Variants in ALDH1A2 observed in about 807,000 individuals in gnomAD.
ALDH1A2 encodes the protein aldehyde dehydrogenase 1 family member A2, also known as retinal dehydrogenase 2.
ALDH1A2 carries 27 observed loss-of-function variants against 60.3 expected under a neutral mutation model. The ratio of observed to expected loss-of-function variants is 0.45; its 90% CI spans 0.33 to 0.62. ALDH1A2 has a LOEUF of 0.62. Among genes scored for constraint, ALDH1A2 ranks in the 20% least tolerant of loss-of-function variants. ALDH1A2 has a pLI of 0.02. For missense variants in ALDH1A2, 581 were observed against 643.8 expected, an observed-to-expected ratio of 0.90 and a Z score of 1.06; for synonymous variants, 289 against 232.4, an observed-to-expected ratio of 1.24 and a Z score of -2.21.
intron 1 of ALDH1A2, among the ~76,000 whole-genome samples, chr15:58,038,206 A>G (rs892484301): frequency 1.1e-4 from 16 of 151,312 alleles, no homozygotes; most frequent in African/African-American, 3.6e-4. Context: ...TAGGCATTGT[A>G]TTTGCTGGAG....
At chr15:57,983,893 C>T (rs1417471792) in intron 7 of ALDH1A2, among the ~76,000 whole-genome samples, 1 of 152,160 alleles carries the variant, frequency 6.6e-6, no homozygotes, top group Non-Finnish European at 1.5e-5. Flanking sequence ...CTATATCAGA[C>T]AGTGTCAAAT....
intron 2 of ALDH1A2, 58 bp from the exon 3 acceptor site, chr15:58,014,056 T>G: frequency 6.2e-7 from 1 of 1,614,008 alleles, no homozygotes; most frequent in Non-Finnish European, 8.5e-7. Flanking sequence ...GGAAGAACCA[T>G]CCACTGTCAT....
chr15:57,985,878 T>C (rs1245689590), intron 7 of ALDH1A2, among the ~76,000 whole-genome samples: 2 of 152,220 alleles, frequency 1.3e-5, no homozygotes, highest in Non-Finnish European at 2.9e-5. Context: ...AAGGAGTTAC[T>C]TATGAGAGTA....
intron 7 of ALDH1A2, among the ~76,000 whole-genome samples, chr15:57,974,171 G>C (rs1894162774): frequency 2.0e-5 from 3 of 152,194 alleles, no homozygotes; most frequent in Non-Finnish European, 4.4e-5. Flanking sequence ...GCCGGGCGCA[G>C]TGGCTCATGC....
At chr15:58,040,564 T>C (rs1311731392) in intron 1 of ALDH1A2, among the ~76,000 whole-genome samples, 1 of 151,924 alleles carries the variant, frequency 6.6e-6, no homozygotes, top group Non-Finnish European at 1.5e-5. Context: ...AAGTTTATGA[T>C]GTAAATCCAA....
intron 11 of ALDH1A2, 126 bp downstream of exon 11, chr15:57,961,011 T>C: frequency 7.3e-7 from 1 of 1,375,682 alleles, no homozygotes; most frequent in Non-Finnish European, 1.0e-6. Context: ...GTAAGGAGTG[T>C]ACCCCTTTTC....
chr15:58,064,098 C>G (rs1897110703), intron 1 of ALDH1A2, among the ~76,000 whole-genome samples: 1 of 152,120 alleles, frequency 6.6e-6, no homozygotes. Flanking sequence ...GGTCTTTTCT[C>G]CTGTGTAGAT....
intron 12 of ALDH1A2, among the ~76,000 whole-genome samples, chr15:57,957,975 A>C (rs1893587659): frequency 6.6e-6 from 1 of 151,964 alleles, no homozygotes; most frequent in African/African-American, 2.4e-5. Flanking sequence ...GGTGGATCCC[A>C]GTGTTTGGGT....
At position 57,963,871 on chromosome 15, in the gene ALDH1A2, TATG is replaced by T. The variant is rs767984071; in HGVS notation, c.1086+11_1086+13del. The T allele has an allele frequency of 1.2e-6, 2 of 1,614,040 alleles. No homozygotes were observed. The highest frequency in any genetic ancestry group is 3.3e-5 in the Admixed American group (2 of 60,020). On this transcript the variant is annotated intron_variant, in intron 9 of 12. Transcript: ENST00000249750. ...GGATTAAGTAAACAAAGGGAATGGT[TATG>T]ATTTTTCTACCTGGGGACCCTGCTC...
chr15:58,018,952 T>A (rs55665781), intron 1 of ALDH1A2, among the ~76,000 whole-genome samples: 9,183 of 152,094 alleles, frequency 0.06, 308 homozygotes, highest in East Asian at 0.13. Flanking sequence ...GGAAAAAAAA[T>A]ACATATTATT....
Position 57,955,265 on chromosome 15 carries a change from C to T in ALDH1A2, c.1489G>A (p.Glu497Lys). The T allele has an allele frequency of 1.2e-6, 2 of 1,614,060 alleles. No individual in the cohort carries two copies. The highest frequency in any genetic ancestry group is 1.7e-6 in the Non-Finnish European group (2 of 1,179,998). Residue 497 changes from glutamate to lysine, a missense_variant, in exon 13 of 13, where the codon GAA becomes AAA. By Grantham distance (56) the Glu-to-Lys change is moderately conservative (BLOSUM62 1). Transcript: ENST00000249750. ...KMSGNGREMGEFGLREYSEVK... is the reference protein window; with the variant it reads ...KMSGNGREMGKFGLREYSEVK... ...TCTGAGTACTCCCGCAAGCCAAATT[C>T]TCCCCTGAAACACAGAAATGGGCCG...
Position 57,955,292 on chromosome 15 carries a change from G to A in ALDH1A2, c.1485-23C>T, listed in dbSNP as rs553798131. 2.5e-6 allele frequency: 4 copies of A among 1,613,732 alleles called. No individual in the cohort carries two copies. In the East Asian group the frequency reaches 6.7e-5, roughly 27 times the overall value. On this transcript the variant is annotated intron_variant, in intron 12 of 12. Transcript: ENST00000249750. Reference sequence around the variant, plus strand: ...CCCCTGAAACACAGAAATGGGCCGGGTCAGATACCAGAAGTCCAGGGAGCT... The same window carrying A: ...CCCCTGAAACACAGAAATGGGCCGGATCAGATACCAGAAGTCCAGGGAGCT...
Position 57,999,727 on chromosome 15 carries a change from G to A in ALDH1A2, c.494-4588C>T, listed in dbSNP as rs943028605. On this transcript the variant is annotated intron_variant, in intron 4 of 12. Coordinates refer to ENST00000249750, the MANE Select transcript of ALDH1A2 (RefSeq NM_003888.4). Reference sequence around the variant, plus strand: ...CCCATTACTGAGTATATACCCAAAGGAATATAAATCATTCTGTTATAAAGA... The same window carrying A: ...CCCATTACTGAGTATATACCCAAAGAAATATAAATCATTCTGTTATAAAGA... 3.3e-5 allele frequency among the ~76,000 whole-genome samples: 5 copies of A among 151,812 alleles called. No individual in the cohort carries two copies. In the East Asian group the frequency reaches 9.7e-4, roughly 29 times the overall value.
chr15:58,002,070 C>A (rs1286647127), intron 4 of ALDH1A2, among the ~76,000 whole-genome samples: 7 of 151,746 alleles, frequency 4.6e-5, no homozygotes, highest in African/African-American at 1.5e-4. Context: ...ATTTTAAGAC[C>A]CAGTCAGAGG....
intron 1 of ALDH1A2, among the ~76,000 whole-genome samples, chr15:58,042,744 G>A (rs140759133): frequency 6.6e-6 from 1 of 152,038 alleles, no homozygotes; most frequent in Non-Finnish European, 1.5e-5. Context: ...TGGTCACCAA[G>A]ACTATGGACG....
At chr15:57,997,085 G>C (rs1463879172) in intron 4 of ALDH1A2, among the ~76,000 whole-genome samples, 2 of 151,974 alleles carry the variant, frequency 1.3e-5, no homozygotes, top group African/African-American at 2.4e-5. Context: ...TCAGAAGTAG[G>C]CTGGATTCTG....
intron 1 of ALDH1A2, among the ~76,000 whole-genome samples, chr15:58,022,976 C>A (rs1469206285): frequency 6.6e-6 from 1 of 152,198 alleles, no homozygotes; most frequent in Admixed American, 6.5e-5. Context: ...TCCAAAGGAA[C>A]ACCATACTCC....
chr15:57,960,671 A>G, intron 12 of ALDH1A2, 99 bp downstream of exon 12: 1 of 1,005,470 alleles, frequency 9.9e-7, no homozygotes, highest in Non-Finnish European at 1.6e-6. Context: ...TGTTGAATGT[A>G]TGGATGAGTG....
At chr15:57,957,397 G>A (rs1403128458) in intron 12 of ALDH1A2, among the ~76,000 whole-genome samples, 1 of 152,212 alleles carries the variant, frequency 6.6e-6, no homozygotes, top group Non-Finnish European at 1.5e-5. Flanking sequence ...GAGACAGATG[G>A]TCATGTGGGT....
Sources: gnomAD v4.1 joint callset for allele counts (sites outside exome capture counted in the v4.1 genomes callset) on GRCh38, gnomAD v4.1.1 for gene constraint, MANE v1.5 for transcripts, NCBI Gene and HGNC (gene_info 2026-07-23, HGNC 2026-07-21) for gene names.